The following PCDH9 variants were observed in gnomAD, a reference collection of about 807,000 sequenced individuals.
PCDH9 encodes protocadherin-9.
In PCDH9, 24 loss-of-function variants were observed where a neutral mutation model predicts 70.6. The ratio of observed to expected loss-of-function variants is 0.34; its 90% CI spans 0.25 to 0.48. The LOEUF is 0.48. Ranked by LOEUF, PCDH9 falls within the 20% of genes least tolerant of loss-of-function variation. The pLI, the probability that PCDH9 is intolerant of heterozygous loss-of-function variation, is 0.99. For missense variants in PCDH9, 1,281 were observed against 1,503.6 expected, an observed-to-expected ratio of 0.85 and a Z score of 2.45; for synonymous variants, 562 against 558.5, an observed-to-expected ratio of 1.01 and a Z score of -0.09.
At chr13:66,772,474 G>C (rs868064157) in intron 3 of PCDH9, among the ~76,000 whole-genome samples, 122 of 152,260 alleles carry the variant, frequency 8.0e-4, no homozygotes, top group African/African-American at 2.8e-3. Flanking sequence ...AATGAAAGCT[G>C]TGTGTTATTC....
intron 4 of PCDH9, among the ~76,000 whole-genome samples, chr13:66,488,195 T>G (rs1181687732): frequency 6.6e-6 from 1 of 152,174 alleles, no homozygotes; most frequent in Non-Finnish European, 1.5e-5. Context: ...GAGCCGACGC[T>G]GAAATCAAGC....
chr13:66,842,833 T>C (rs939425276), intron 3 of PCDH9, among the ~76,000 whole-genome samples: 3 of 152,202 alleles, frequency 2.0e-5, no homozygotes, highest in Admixed American at 6.5e-5. Context: ...AGTGATTTTC[T>C]TTTCAGATCT....
At chr13:66,654,736 C>G (rs941637287) in intron 3 of PCDH9, among the ~76,000 whole-genome samples, 1 of 152,148 alleles carries the variant, frequency 6.6e-6, no homozygotes. Context: ...GACAGACTCT[C>G]TCACTGTCAC....
At chr13:66,311,029 A>G (rs1365314394) in intron 4 of PCDH9, among the ~76,000 whole-genome samples, 1 of 152,108 alleles carries the variant, frequency 6.6e-6, no homozygotes, top group Non-Finnish European at 1.5e-5. Flanking sequence ...TTAAAATGAA[A>G]GATGCATTCC....
chr13:66,868,643 C>CGATA (rs1401704638), intron 3 of PCDH9, among the ~76,000 whole-genome samples: 1 of 151,892 alleles, frequency 6.6e-6, no homozygotes, highest in African/African-American at 2.4e-5. Flanking sequence ...TAAAAACCAA[C>CGATA]GATAAATACT....
intron 3 of PCDH9, among the ~76,000 whole-genome samples, chr13:66,889,903 T>C (rs1200767267): frequency 2.0e-5 from 3 of 152,186 alleles, no homozygotes; most frequent in Non-Finnish European, 4.4e-5. Flanking sequence ...GCCATGGGGA[T>C]GATGAGTTTG....
rs190675268 is a variant in PCDH9 at position 66,411,168 on chromosome 13, T to C, written c.3341-106140A>G. The stretch of plus-strand genomic sequence containing the variant: ...CCACATTTCCACATAATGGCTGGCA[T>C]CCCATATTATTGGAGTCTTTCTCTA... On this transcript the variant is annotated intron_variant, in intron 4 of 4. Transcript: ENST00000377865. Among the ~76,000 whole-genome samples, 17 of 152,380 alleles carry C rather than the reference T, an allele frequency of 1.1e-4. No individual in the cohort carries two copies. In the East Asian group the frequency reaches 3.3e-3, roughly 29 times the overall value.
chr13:67,182,325 TAGA>T (rs1171583663), intron 2 of PCDH9, among the ~76,000 whole-genome samples: 2 of 152,158 alleles, frequency 1.3e-5, no homozygotes, highest in Non-Finnish European at 2.9e-5. Flanking sequence ...GTTGAGAGGT[TAGA>T]CACAAATCTT....
rs113189955 is a variant in PCDH9, at chr13:66,498,175, G to A, written c.3340+133035C>T. Among the ~76,000 whole-genome samples, 641 of 144,826 alleles carry A rather than the reference G, an allele frequency of 4.4e-3. 7 individuals carry two copies. Among genetic ancestry groups the A allele is most frequent in the African/African-American group, 0.016 (605 of 38,852 alleles). On this transcript the variant is annotated intron_variant, in intron 4 of 4. Coordinates refer to ENST00000377865, the MANE Select transcript of PCDH9 (RefSeq NM_203487.3). Reference sequence around the variant, plus strand: ...TATTTTTTTTTTGAGACCAAGTCTCGCTCTGTCGCCCAGGCTGGAGTGCAG... The same window carrying A: ...TATTTTTTTTTTGAGACCAAGTCTCACTCTGTCGCCCAGGCTGGAGTGCAG...
At chr13:66,850,964 C>T (rs1258798448) in intron 3 of PCDH9, among the ~76,000 whole-genome samples, 4 of 152,164 alleles carry the variant, frequency 2.6e-5, no homozygotes. Context: ...ACTGAAATTT[C>T]GGACCTCCTT....
chr13:66,877,165 C>T (rs1328551155), intron 3 of PCDH9, among the ~76,000 whole-genome samples: 2 of 151,742 alleles, frequency 1.3e-5, no homozygotes, highest in Non-Finnish European at 2.9e-5. Flanking sequence ...ATTTAGATTT[C>T]TATTATTTCT....
intron 3 of PCDH9, among the ~76,000 whole-genome samples, chr13:66,800,823 C>T (rs1351656088): frequency 6.6e-6 from 1 of 152,012 alleles, no homozygotes; most frequent in Non-Finnish European, 1.5e-5. Context: ...TAATTTTCCT[C>T]ACTTAAAAAG....
chr13:66,989,855 C>T (rs955759523), intron 2 of PCDH9, among the ~76,000 whole-genome samples: 22 of 151,780 alleles, frequency 1.4e-4, no homozygotes, highest in Admixed American at 5.3e-4. Flanking sequence ...GGTATATTTC[C>T]TCACACTAAC....
intron 4 of PCDH9, among the ~76,000 whole-genome samples, chr13:66,452,194 G>A (rs541098238): frequency 1.1e-4 from 16 of 152,272 alleles, no homozygotes; most frequent in African/African-American, 2.9e-4. Context: ...AGAGGAAAAT[G>A]CTTTTTGAGG....
At chr13:66,380,671 G>C (rs1199896319) in intron 4 of PCDH9, among the ~76,000 whole-genome samples, 1 of 150,656 alleles carries the variant, frequency 6.6e-6, no homozygotes, top group East Asian at 2.0e-4. Context: ...AGCCTCCTGA[G>C]TAACTGGGAC....
intron 4 of PCDH9, among the ~76,000 whole-genome samples, chr13:66,619,120 A>G (rs2138894604): frequency 6.6e-6 from 1 of 152,288 alleles, no homozygotes; most frequent in Non-Finnish European, 1.5e-5. Context: ...CTTGTTTTAT[A>G]TCAATAGCTT....
chr13:67,088,098 G>C (rs942319472), intron 2 of PCDH9, among the ~76,000 whole-genome samples: 18 of 123,918 alleles, frequency 1.5e-4, no homozygotes, highest in African/African-American at 5.0e-4. Context: ...CTATTTCATA[G>C]ATTTTTTTTT....
intron 4 of PCDH9, among the ~76,000 whole-genome samples, chr13:66,355,382 C>T (rs779472878): frequency 1.3e-5 from 2 of 152,010 alleles, no homozygotes; most frequent in Non-Finnish European, 2.9e-5. Context: ...AACCTCCTGC[C>T]TTTTTGTTTC....
chr13:67,037,163 G>C (rs2085026129), intron 2 of PCDH9, among the ~76,000 whole-genome samples: 1 of 152,058 alleles, frequency 6.6e-6, no homozygotes, highest in Non-Finnish European at 1.5e-5. Context: ...AGTTTCATAG[G>C]GGCTGAGGGT....
Sources: gnomAD v4.1 joint callset for allele counts (sites outside exome capture counted in the v4.1 genomes callset) on GRCh38, gnomAD v4.1.1 for gene constraint, MANE v1.5 for transcripts, NCBI Gene and HGNC (gene_info 2026-07-23, HGNC 2026-07-21) for gene names.